The following KANK1 variants were observed in gnomAD, a reference collection of about 807,000 sequenced individuals.
The protein encoded by KANK1 is KN motif and ankyrin repeat domain-containing protein 1.
KANK1 carries 109 observed loss-of-function variants against 106.2 expected under a neutral mutation model. The ratio of observed to expected loss-of-function variants is 1.03; its 90% CI spans 0.88 to 1.20. The LOEUF (loss-of-function observed/expected upper bound fraction) is 1.20. Among genes scored for constraint, KANK1 ranks in the 50% most tolerant of loss-of-function variants. The pLI, the probability that KANK1 is intolerant of heterozygous loss-of-function variation, is 0.00. For synonymous variants in KANK1, 873 were observed against 652.2 expected (o/e 1.34, Z -5.16); for missense variants, 2,399 against 1,710.7 (o/e 1.40, Z -7.10).
At chr9:708,747 A>C (rs970522261) in intron 2 of KANK1, among the ~76,000 whole-genome samples, 1 of 152,160 alleles carries the variant, frequency 6.6e-6, no homozygotes, top group African/African-American at 2.4e-5. Context: ...ACAGCAGTCA[A>C]GTGGGTTTGT....
intron 1 of KANK1, among the ~76,000 whole-genome samples, chr9:564,942 C>T (rs1328722786): frequency 6.6e-6 from 1 of 152,222 alleles, no homozygotes; most frequent in Non-Finnish European, 1.5e-5. Context: ...TTGGCACAGA[C>T]ATGGCTGTTC....
intron 1 of KANK1, among the ~76,000 whole-genome samples, chr9:533,264 A>G (rs2133597290): frequency 6.6e-6 from 1 of 152,348 alleles, no homozygotes; most frequent in South Asian, 2.1e-4. Context: ...TAATCACTGT[A>G]TATCGTAGAT....
intron 1 of KANK1, among the ~76,000 whole-genome samples, chr9:651,187 C>A (rs926089965): frequency 6.6e-6 from 1 of 152,182 alleles, no homozygotes; most frequent in Admixed American, 6.5e-5. Flanking sequence ...AAAAATCATA[C>A]ATATGTCCTT....
At chr9:744,829 G>A (rs1383033500) in intron 11 of KANK1, 1 of 1,426,294 alleles carries the variant, frequency 7.0e-7, no homozygotes, top group Non-Finnish European at 9.2e-7. Flanking sequence ...GCTTCCCATA[G>A]AGGTTTTGAT....
chr9:620,219 C>T (rs1832817763), intron 1 of KANK1, among the ~76,000 whole-genome samples: 1 of 151,980 alleles, frequency 6.6e-6, no homozygotes, highest in Non-Finnish European at 1.5e-5. Flanking sequence ...ACACTGGTGT[C>T]TTCCAAAATG....
At chr9:732,810 C>G (rs1793317745) in intron 6 of KANK1, 193 bp downstream of exon 6, 1 of 528,182 alleles carries the variant, frequency 1.9e-6, no homozygotes, top group East Asian at 3.0e-5. Flanking sequence ...GTAGAATGGC[C>G]TGGTACCTAA....
chr9:618,434 C>T (rs1396093890), intron 1 of KANK1, among the ~76,000 whole-genome samples: 2 of 152,108 alleles, frequency 1.3e-5, no homozygotes, highest in African/African-American at 4.8e-5. Context: ...TCTGAAACTC[C>T]TGACCTGAAG....
At chr9:484,358 A>G (rs1416308069) in intron 3 of KANK1, 3 of 152,230 alleles carry the variant, frequency 2.0e-5, no homozygotes, top group African/African-American at 7.2e-5. Context: ...TCCACTTCTC[A>G]GGGATGTTGT....
intron 1 of KANK1, among the ~76,000 whole-genome samples, chr9:570,056 T>A (rs1818785833): frequency 6.6e-6 from 1 of 152,184 alleles, no homozygotes; most frequent in Non-Finnish European, 1.5e-5. Context: ...AATAGAATAG[T>A]TTTTTTCTCC....
In KANK1 at chr9:712,839, C is replaced by G; in HGVS notation, c.2073C>G (p.Leu691=). Residue 691 remains leucine, a synonymous_variant, in exon 3 of 12, where the codon CTC becomes CTG. Transcript: ENST00000382297. ...HQFTNTETAT[L]IESCTNTCLS... ...TCACCAACACCGAGACGGCCACCCTCATAGAGTCCTGCACCAACACTTGTC... is the reference window on the plus strand; with the variant it reads ...TCACCAACACCGAGACGGCCACCCTGATAGAGTCCTGCACCAACACTTGTC... The G allele has an allele frequency of 6.2e-7, 1 of 1,613,966 alleles. No homozygotes were observed. The highest frequency in any genetic ancestry group is 8.5e-7 in the Non-Finnish European group (1 of 1,179,974).
At chr9:541,059 T>G (rs1289288316) in intron 1 of KANK1, among the ~76,000 whole-genome samples, 1 of 152,114 alleles carries the variant, frequency 6.6e-6, no homozygotes, top group Admixed American at 6.6e-5. Context: ...AGGAGTTGAT[T>G]GCTGTAAACT....
chr9:649,875 C>T (rs936216542), intron 1 of KANK1, among the ~76,000 whole-genome samples: 2 of 152,160 alleles, frequency 1.3e-5, no homozygotes, highest in African/African-American at 4.8e-5. Flanking sequence ...TGCGATGCAG[C>T]TTGAAAGGAT....
At chr9:725,418 G>A (rs1003750264) in intron 3 of KANK1, among the ~76,000 whole-genome samples, 10 of 151,410 alleles carry the variant, frequency 6.6e-5, no homozygotes, top group Non-Finnish European at 8.8e-5. Flanking sequence ...GCTTGAACCC[G>A]GGAGGCGGAG....
chr9:633,201 C>T (rs72691308), intron 1 of KANK1, among the ~76,000 whole-genome samples: 22,633 of 152,054 alleles, frequency 0.15, 1,848 homozygotes, highest in Admixed American at 0.17. Flanking sequence ...CTCACGCCTG[C>T]AATCCCAGCA....
chr9:518,526 TCTA>T (rs1198919090), intron 1 of KANK1, among the ~76,000 whole-genome samples: 12 of 151,766 alleles, frequency 7.9e-5, no homozygotes, highest in African/African-American at 2.9e-4. Flanking sequence ...GAATCGAAAC[TCTA>T]CTATTTCCTG....
chr9:703,433 G>A (rs1437135384), intron 2 of KANK1, among the ~76,000 whole-genome samples: 2 of 152,064 alleles, frequency 1.3e-5, no homozygotes, highest in Non-Finnish European at 2.9e-5. Flanking sequence ...ACCATTTTCT[G>A]TAGCCAATTA....
intron 1 of KANK1, among the ~76,000 whole-genome samples, chr9:639,660 C>T: frequency 6.6e-6 from 1 of 152,186 alleles, no homozygotes; most frequent in East Asian, 1.9e-4. Flanking sequence ...CCTCTGCCTT[C>T]TGTGTGTGTC....
rs146139595 is a variant in KANK1, at chr9:713,401, T to A, written c.2635T>A (p.Ser879Thr). The change falls in exon 3 of 12, where the codon TCT becomes ACT. Residue 879 changes from serine (S) to threonine (T), a missense_variant. Coordinates refer to ENST00000382297, the MANE Select transcript of KANK1 (RefSeq NM_015158.5). ...TLSSINSVMK[S>T]ASTEELRNPD... ...GTCGTCTATCAACTCTGTCATGAAA[T>A]CTGCAAGCACTGAAGAGCTGAGGAA... is the stretch of plus-strand genomic sequence containing the variant. 1.2e-6 allele frequency: 2 copies of A among 1,613,222 alleles called. No homozygotes were observed. Among genetic ancestry groups the A allele is most frequent in the African/African-American group, 2.7e-5 (2 of 74,886 alleles).
chr9:483,739 C>T (rs1174638428), intron 3 of KANK1, among the ~76,000 whole-genome samples: 4 of 152,168 alleles, frequency 2.6e-5, no homozygotes, highest in Admixed American at 2.6e-4. Flanking sequence ...TGGCTTTCTA[C>T]TCAGACTTTC....
Sources: gnomAD v4.1 joint callset for allele counts (sites outside exome capture counted in the v4.1 genomes callset) on GRCh38, gnomAD v4.1.1 for gene constraint, MANE v1.5 for transcripts, NCBI Gene and HGNC (gene_info 2026-07-23, HGNC 2026-07-21) for gene names.